DGKB: variants seen among roughly 807,000 people sequenced by gnomAD.
The protein encoded by DGKB is diacylglycerol kinase beta, also known as 90 kDa diacylglycerol kinase.
A neutral mutation model predicts 114.3 loss-of-function variants in DGKB; 67 were observed. The ratio of observed to expected loss-of-function variants is 0.59; its 90% CI spans 0.48 to 0.72. The LOEUF is 0.72. DGKB is among the 30% of genes least tolerant of loss of function. The pLI is 0.00. For synonymous variants in DGKB, 398 were observed against 323.1 expected, an observed-to-expected ratio of 1.23 and a Z score of -2.49; for missense variants, 907 against 975.2, an observed-to-expected ratio of 0.93 and a Z score of 0.93.
At chr7:14,571,030 C>G (rs1056518977) in intron 20 of DGKB, among the ~76,000 whole-genome samples, 1 of 152,108 alleles carries the variant, frequency 6.6e-6, no homozygotes, top group Non-Finnish European at 1.5e-5. Flanking sequence ...ACTTTACCTA[C>G]TAGTTAGCAA....
intron 23 of DGKB, among the ~76,000 whole-genome samples, chr7:14,235,674 G>A (rs1043442278): frequency 3.3e-5 from 5 of 152,042 alleles, no homozygotes; most frequent in Non-Finnish European, 5.9e-5. Context: ...CCACTAAACA[G>A]TTAAGGGCAT....
At chr7:14,535,908 T>C (rs905525348) in intron 20 of DGKB, among the ~76,000 whole-genome samples, 2 of 151,918 alleles carry the variant, frequency 1.3e-5, no homozygotes. Context: ...ATAAACAAAA[T>C]TGATGAATTC....
At chr7:14,487,977 A>G (rs1451320791) in intron 20 of DGKB, among the ~76,000 whole-genome samples, 1 of 152,174 alleles carries the variant, frequency 6.6e-6, no homozygotes, top group Non-Finnish European at 1.5e-5. Context: ...TGCTGTAAAT[A>G]AAAACTTATG....
At chr7:14,878,748 C>CA (rs1423883401) in intron 1 of DGKB, among the ~76,000 whole-genome samples, 149 of 16,854 alleles carry the variant, frequency 8.8e-3, no homozygotes, top group African/African-American at 0.021. Context: ...GACTCCGTCT[C>CA]AAAAAACAAA....
At chr7:14,823,378 TG>T (rs1845211390) in intron 2 of DGKB, among the ~76,000 whole-genome samples, 1 of 152,124 alleles carries the variant, frequency 6.6e-6, no homozygotes, top group Admixed American at 6.6e-5. Context: ...AAACATAGAA[TG>T]TTTTTGCTCT....
chr7:14,320,884 T>C lies in DGKB; in HGVS notation c.2122+17631A>G, dbSNP rs369705614. Among the ~76,000 whole-genome samples, 7 of 152,204 alleles carry C rather than the reference T, an allele frequency of 4.6e-5. No individual in the cohort carries two copies. In the South Asian group the frequency reaches 1.0e-3, roughly 23 times the overall value. On this transcript the variant is annotated intron_variant, in intron 23 of 25. Transcript: ENST00000402815. Reference sequence around the variant, plus strand: ...TAATTCATGACCATTCTCATGAACATAGATGCAAAATTTTAAATGTAATAT... The same window carrying C: ...TAATTCATGACCATTCTCATGAACACAGATGCAAAATTTTAAATGTAATAT...
At chr7:14,257,601 T>C (rs36095426) in intron 23 of DGKB, among the ~76,000 whole-genome samples, 3 of 151,978 alleles carry the variant, frequency 2.0e-5, no homozygotes, top group Non-Finnish European at 4.4e-5. Flanking sequence ...GGCTTCATAC[T>C]GGGCTTTTTC....
At chr7:14,467,045 C>G (rs1038775028) in intron 21 of DGKB, among the ~76,000 whole-genome samples, 1 of 151,870 alleles carries the variant, frequency 6.6e-6, no homozygotes, top group African/African-American at 2.4e-5. Context: ...TGCCTTGAAC[C>G]AATTAAATCA....
intron 21 of DGKB, among the ~76,000 whole-genome samples, chr7:14,379,520 G>T (rs964565273): frequency 6.6e-6 from 1 of 151,844 alleles, no homozygotes; most frequent in Non-Finnish European, 1.5e-5. Context: ...CCCCTTAGTG[G>T]ATGACTTCAG....
intron 20 of DGKB, among the ~76,000 whole-genome samples, chr7:14,511,833 A>C (rs773523957): frequency 3.9e-5 from 6 of 152,152 alleles, no homozygotes; most frequent in Non-Finnish European, 7.3e-5. Flanking sequence ...TGTCTCAGGG[A>C]ACAGGGAGGC....
intron 6 of DGKB, among the ~76,000 whole-genome samples, chr7:14,708,433 A>G (rs1356331717): frequency 1.4e-5 from 2 of 142,070 alleles, no homozygotes; most frequent in Admixed American, 7.0e-5. Flanking sequence ...CAAGCTACCA[A>G]TGACTTTCTT....
intron 1 of DGKB, among the ~76,000 whole-genome samples, chr7:14,961,246 A>G (rs1270366332): frequency 6.6e-6 from 1 of 151,762 alleles, no homozygotes; most frequent in Admixed American, 6.6e-5. Flanking sequence ...CTTAGCTTTT[A>G]TTTTTTTCCA....
intron 2 of DGKB, among the ~76,000 whole-genome samples, chr7:14,771,509 G>A (rs1020320221): frequency 5.9e-5 from 9 of 151,904 alleles, no homozygotes; most frequent in African/African-American, 2.2e-4. Flanking sequence ...TTAATTAAAT[G>A]GTCTTGATAG....
intron 20 of DGKB, among the ~76,000 whole-genome samples, chr7:14,500,520 T>G (rs1785999249): frequency 6.6e-6 from 1 of 151,438 alleles, no homozygotes; most frequent in South Asian, 2.1e-4. Context: ...CAATCAAGAG[T>G]ACAAGTTTAT....
At position 14,277,025 on chromosome 7, in the gene DGKB, A is replaced by G. The variant is rs78696164; in HGVS notation, c.2122+61490T>C. On this transcript the variant is annotated intron_variant, in intron 23 of 25. Transcript: ENST00000402815. The stretch of plus-strand genomic sequence containing the variant: ...TTGCTTATTTTAAAATATAAGATAT[A>G]TTATTATTGACTATAGTCACTCTAC... Among the ~76,000 whole-genome samples, 14 of 152,208 alleles carry G rather than the reference A, an allele frequency of 9.2e-5. No individual in the cohort carries two copies. The East Asian group carries it at 1.4e-3, about 15-fold the overall frequency.
intron 1 of DGKB, among the ~76,000 whole-genome samples, chr7:14,897,050 T>C (rs1173542620): frequency 1.3e-5 from 2 of 151,804 alleles, no homozygotes; most frequent in Non-Finnish European, 2.9e-5. Context: ...ACATTTTAAA[T>C]AGCTGCGCAT....
intron 17 of DGKB, among the ~76,000 whole-genome samples, chr7:14,605,009 T>C (rs1004126568): frequency 4.6e-5 from 7 of 152,140 alleles, no homozygotes; most frequent in Non-Finnish European, 7.4e-5. Context: ...AACAAACTTT[T>C]GACATTGAAT....
Position 14,574,183 on chromosome 7 carries a change from C to T in DGKB, c.1770+29G>A, listed in dbSNP as rs754969499. 5.0e-6 allele frequency: 8 copies of T among 1,597,062 alleles called. No individual in the cohort carries two copies. In the East Asian group the frequency reaches 1.6e-4, roughly 31 times the overall value. On this transcript the variant is annotated intron_variant, in intron 20 of 25. Transcript: ENST00000402815. The stretch of plus-strand genomic sequence containing the variant: ...TCACTGTGATTATACAGTACAGGTA[C>T]AAAGGTAAAATTTAGTGGAGAATCT...
At chr7:14,273,379 GA>G (rs1226487197) in intron 23 of DGKB, among the ~76,000 whole-genome samples, 4 of 151,860 alleles carry the variant, frequency 2.6e-5, no homozygotes, top group African/African-American at 9.7e-5. Flanking sequence ...AAGAAAGAAA[GA>G]AAAGAAAGGT....
Sources: gnomAD v4.1 joint callset for allele counts (sites outside exome capture counted in the v4.1 genomes callset) on GRCh38, gnomAD v4.1.1 for gene constraint, MANE v1.5 for transcripts, NCBI Gene and HGNC (gene_info 2026-07-23, HGNC 2026-07-21) for gene names.